The following PDS5B variants were observed in gnomAD, a reference collection of about 807,000 sequenced individuals.
The protein encoded by PDS5B is PDS5 cohesin associated factor B.
Under a neutral mutation model 184.1 loss-of-function variants are expected in PDS5B, and 51 were observed. The observed-to-expected ratio is 0.28, with a 90% CI of 0.22 to 0.35. The LOEUF (loss-of-function observed/expected upper bound fraction) is 0.35, where lower values mean the gene tolerates loss of function less well. Ranked by LOEUF, PDS5B falls within the 10% of genes least tolerant of loss-of-function variation. The pLI is 1.00. For synonymous variants in PDS5B, 566 were observed against 569.2 expected, an observed-to-expected ratio of 0.99 and a Z score of 0.08; for missense variants, 1,180 against 1,723.3, an observed-to-expected ratio of 0.68 and a Z score of 5.58.
intron 10 of PDS5B, among the ~76,000 whole-genome samples, chr13:32,682,061 T>G (rs3912038): frequency 0.44 from 66,588 of 151,962 alleles, 15,008 homozygotes; most frequent in African/African-American, 0.5. Flanking sequence ...GCCACAGGGG[T>G]ATATGGAAAG....
At chr13:32,718,996 C>T (rs1952575657) in intron 19 of PDS5B, among the ~76,000 whole-genome samples, 3 of 152,174 alleles carry the variant, frequency 2.0e-5, no homozygotes, top group Non-Finnish European at 4.4e-5. Flanking sequence ...TTTGATTTTA[C>T]ATATATTCCA....
intron 17 of PDS5B, among the ~76,000 whole-genome samples, chr13:32,703,229 A>G (rs529259696): frequency 2.6e-5 from 4 of 152,332 alleles, no homozygotes; most frequent in Admixed American, 2.6e-4. Context: ...GAAAGAAGTA[A>G]AAAGATCATA....
rs1366169340 is a variant in PDS5B, at chr13:32,755,852, G to C, written c.2952G>C (p.Leu984Phe). 1.6e-6 allele frequency: 2 copies of C among 1,264,722 alleles called. No individual in the cohort carries two copies. The highest frequency in any genetic ancestry group is 3.0e-5 in the African/African-American group (2 of 66,160). The allele number at this position is 1,264,722 out of a possible 1,614,324, so 78.3% of individuals were successfully genotyped here. ...TGTTTTCTTTTTCAGAAAAATTATT[G>C]TCTCTTCTACCAGAGTATGTTGTTC... The part of the protein sequence containing the change: ...KQHAAVSEKL[L>F]SLLPEYVVPY... Residue 984 changes from leucine to phenylalanine, a missense_variant, in exon 26 of 35, where the codon TTG becomes TTC. By Grantham distance (22) the Leu-to-Phe change is conservative. Coordinates refer to ENST00000315596, the MANE Select transcript of PDS5B (RefSeq NM_015032.4).
chr13:32,692,939 G>A (rs9805550), intron 13 of PDS5B, among the ~76,000 whole-genome samples: 1,802 of 151,930 alleles, frequency 0.012, 36 homozygotes, highest in African/African-American at 0.04. Context: ...TTTATAATGG[G>A]CTTTAAAATA....
intron 1 of PDS5B, among the ~76,000 whole-genome samples, chr13:32,595,235 A>G (rs1332011143): frequency 6.6e-6 from 1 of 152,138 alleles, no homozygotes; most frequent in Non-Finnish European, 1.5e-5. Context: ...CCTGGGAGTC[A>G]TCTTGACTTC....
At chr13:32,704,757 C>A (rs1489117138) in intron 17 of PDS5B, among the ~76,000 whole-genome samples, 1 of 152,182 alleles carries the variant, frequency 6.6e-6, no homozygotes, top group Non-Finnish European at 1.5e-5. Flanking sequence ...CTAATTAATT[C>A]TTCCATATGA....
intron 1 of PDS5B, among the ~76,000 whole-genome samples, chr13:32,621,518 A>G (rs1265319225): frequency 6.6e-6 from 1 of 152,210 alleles, no homozygotes; most frequent in Non-Finnish European, 1.5e-5. Context: ...GTGTTCTGGA[A>G]TCGTTTGTGT....
chr13:32,650,579 T>TA (rs1250912169), intron 2 of PDS5B: 1 of 152,240 alleles, frequency 6.6e-6, no homozygotes, highest in Non-Finnish European at 1.5e-5. Context: ...AGTTCTTTTT[T>TA]ACCCTTTGTG....
intron 23 of PDS5B, 108 bp from the exon 24 acceptor site, chr13:32,745,869 T>A (rs1953725091): frequency 3.4e-6 from 3 of 875,430 alleles, no homozygotes; most frequent in African/African-American, 1.7e-5. Flanking sequence ...ATCACAGCAT[T>A]TTTTTTTAAA....
intron 22 of PDS5B, among the ~76,000 whole-genome samples, chr13:32,741,739 G>GTA (rs1953564717): frequency 6.9e-6 from 1 of 145,918 alleles, no homozygotes; most frequent in Non-Finnish European, 1.5e-5. Context: ...GTGTGTGTGT[G>GTA]TGTATTTGTT....
chr13:32,632,920 G>T (rs1252980917), intron 1 of PDS5B, among the ~76,000 whole-genome samples: 1 of 152,008 alleles, frequency 6.6e-6, no homozygotes, highest in Non-Finnish European at 1.5e-5. Context: ...TGCCCAACAT[G>T]GTGAAACCCC....
chr13:32,727,377 C>T (rs998042826), intron 19 of PDS5B, among the ~76,000 whole-genome samples: 1 of 152,118 alleles, frequency 6.6e-6, no homozygotes, highest in Admixed American at 6.5e-5. Flanking sequence ...CTTTTACACA[C>T]ATAATAACCA....
intron 3 of PDS5B, among the ~76,000 whole-genome samples, chr13:32,654,037 A>C (rs1593344971): frequency 6.6e-6 from 1 of 152,328 alleles, no homozygotes; most frequent in East Asian, 1.9e-4. Context: ...AAAAGAGCTG[A>C]AATTAGGGTC....
chr13:32,748,049 A>T (rs1406915715), intron 24 of PDS5B, among the ~76,000 whole-genome samples: 2 of 152,202 alleles, frequency 1.3e-5, no homozygotes, highest in African/African-American at 2.4e-5. Flanking sequence ...AAACTTTAAG[A>T]TTGCTTTGGA....
At chr13:32,674,144 T>G (rs1466722391) in intron 8 of PDS5B, among the ~76,000 whole-genome samples, 2 of 152,204 alleles carry the variant, frequency 1.3e-5, no homozygotes, top group African/African-American at 4.8e-5. Flanking sequence ...TGTTCCTAAC[T>G]GTTTTGACAT....
chr13:32,589,971 T>C (rs1268309982), intron 1 of PDS5B, among the ~76,000 whole-genome samples: 1 of 152,214 alleles, frequency 6.6e-6, no homozygotes, highest in East Asian at 1.9e-4. Context: ...ATAAATTTGC[T>C]GTGTTGAGAC....
intron 11 of PDS5B, among the ~76,000 whole-genome samples, chr13:32,685,167 G>A (rs892413202): frequency 5.3e-5 from 8 of 152,186 alleles, no homozygotes; most frequent in Admixed American, 1.3e-4. Context: ...TAATACTCTC[G>A]TTGATAATGC....
intron 1 of PDS5B, among the ~76,000 whole-genome samples, chr13:32,593,521 G>C (rs2057808517): frequency 6.6e-6 from 1 of 152,016 alleles, no homozygotes. Context: ...TTGTATTTTT[G>C]GTGGAGACGG....
rs142316529 is a variant in PDS5B at position 32,640,242 on chromosome 13, ATTTTCTTTTCTT to A, written c.-19-8502_-19-8491del. Among the ~76,000 whole-genome samples, 1,419 of 152,108 alleles carry A rather than the reference ATTTTCTTTTCTT, an allele frequency of 9.3e-3. 22 individuals carry two copies. Among genetic ancestry groups the A allele is most frequent in the African/African-American group, 0.032 (1,308 of 41,496 alleles). Reference sequence around the variant, plus strand: ...TAAAAAAAAACTTTAGTATTAGAATATTTTCTTTTCTTTTTTCTTTTTGAGATGAAATCTCGC... The same window carrying A: ...TAAAAAAAAACTTTAGTATTAGAATATTTTCTTTTTGAGATGAAATCTCGC... On this transcript the variant is annotated intron_variant, in intron 1 of 34. Coordinates refer to ENST00000315596, the MANE Select transcript of PDS5B (RefSeq NM_015032.4).
Sources: gnomAD v4.1 joint callset for allele counts (sites outside exome capture counted in the v4.1 genomes callset) on GRCh38, gnomAD v4.1.1 for gene constraint, MANE v1.5 for transcripts, NCBI Gene and HGNC (gene_info 2026-07-23, HGNC 2026-07-21) for gene names.